EBF3: variants seen among roughly 807,000 people sequenced by gnomAD.
EBF3 encodes the protein EBF transcription factor 3.
A neutral mutation model predicts 77.1 loss-of-function variants in EBF3; 18 were observed. The observed-to-expected ratio is 0.23, with a 90% CI of 0.16 to 0.35. The LOEUF is 0.35. Among genes scored for constraint, EBF3 ranks in the 10% least tolerant of loss-of-function variants. The probability of loss-of-function intolerance (pLI) is 1.00; values close to 1 mark genes in which losing one functional copy is unlikely to be tolerated. For synonymous variants in EBF3, 350 were observed against 343.5 expected (o/e 1.02, Z -0.21); for missense variants, 558 against 860.0 (o/e 0.65, Z 4.39).
intron 4 of EBF3, among the ~76,000 whole-genome samples, chr10:129,959,821 G>T (rs571107637): frequency 1.1e-3 from 173 of 152,116 alleles, no homozygotes; most frequent in African/African-American, 3.9e-3. Flanking sequence ...CAGGGCGCCC[G>T]AGCCCGCGCG....
At chr10:129,892,930 T>C (rs538193911) in intron 6 of EBF3, among the ~76,000 whole-genome samples, 1 of 152,338 alleles carries the variant, frequency 6.6e-6, no homozygotes, top group Admixed American at 6.5e-5. Flanking sequence ...CAGCCAGCCG[T>C]TAATTAGCAT....
intron 4 of EBF3, among the ~76,000 whole-genome samples, chr10:129,960,144 C>T (rs1859390371): frequency 6.7e-6 from 1 of 148,592 alleles, no homozygotes; most frequent in African/African-American, 2.5e-5. Flanking sequence ...GGGGGAGGGG[C>T]GGGAGGCTGG....
chr10:129,933,440 T>C (rs1467776778), intron 6 of EBF3, among the ~76,000 whole-genome samples: 5 of 152,212 alleles, frequency 3.3e-5, no homozygotes, highest in Non-Finnish European at 7.3e-5. Flanking sequence ...TTTAGAAAGA[T>C]TTCAAGGGCT....
In EBF3 at chr10:129,875,504, C is replaced by T. The variant is rs1048198529; in HGVS notation, c.637-1908G>A. Among the ~76,000 whole-genome samples, 4 of 152,250 alleles carry T rather than the reference C, an allele frequency of 2.6e-5. No individual in the cohort carries two copies. In the East Asian group the frequency reaches 7.7e-4, roughly 29 times the overall value. ...AGCCACCGCGCCCGGCCGGCTTTTT[C>T]GTTTTAAATCTCAGACTCCACAAGA... On this transcript the variant is annotated intron_variant, in intron 7 of 16. Coordinates refer to ENST00000440978, the MANE Select transcript of EBF3 (RefSeq NM_001375380.1).
At chr10:129,930,555 C>T (rs1354248674) in intron 6 of EBF3, among the ~76,000 whole-genome samples, 2 of 147,600 alleles carry the variant, frequency 1.4e-5, no homozygotes, top group Non-Finnish European at 3.0e-5. Context: ...ATACCTATAT[C>T]TATACCTGTC....
At chr10:129,875,475 C>T (rs759882234) in intron 7 of EBF3, among the ~76,000 whole-genome samples, 15 of 152,270 alleles carry the variant, frequency 9.9e-5, no homozygotes, top group South Asian at 2.1e-4. Context: ...GGATGACCGG[C>T]GTGAGCCACC....
chr10:129,873,349 G>A, intron 8 of EBF3, 103 bp downstream of exon 8: 1 of 1,315,864 alleles, frequency 7.6e-7, no homozygotes, highest in East Asian at 2.8e-5. Context: ...GTCTGACCAA[G>A]GGCGGGGGCC....
intron 6 of EBF3, among the ~76,000 whole-genome samples, chr10:129,932,661 ATT>A (rs141758528): frequency 6.6e-6 from 1 of 151,942 alleles, no homozygotes; most frequent in Non-Finnish European, 1.5e-5. Context: ...TTGCCACGCA[ATT>A]TTTTTTCCTG....
intron 10 of EBF3, among the ~76,000 whole-genome samples, chr10:129,850,130 G>A (rs765187687): frequency 1.3e-5 from 2 of 152,210 alleles, no homozygotes; most frequent in Non-Finnish European, 2.9e-5. Context: ...AAAAAAGGCG[G>A]CCCACTGCAT....
intron 6 of EBF3, among the ~76,000 whole-genome samples, chr10:129,909,986 G>C (rs1160025929): frequency 6.6e-6 from 1 of 152,256 alleles, no homozygotes; most frequent in Non-Finnish European, 1.5e-5. Flanking sequence ...CAGGGGCTCG[G>C]GCTCTGCTCA....
rs550429875 is a variant in EBF3, at chr10:129,958,611, A to T, written c.485+323T>A. 3.3e-5 allele frequency among the ~76,000 whole-genome samples: 5 copies of T among 152,268 alleles called. No individual in the cohort carries two copies. The South Asian group carries it at 1.0e-3, about 32-fold the overall frequency. ...CGAGCGCCTGAGAAGGAAGTAGTAA[A>T]ATGATTCCGAGTGATCCCTGACTCC... On this transcript the variant is annotated intron_variant, in intron 5 of 16. Coordinates refer to ENST00000440978, the MANE Select transcript of EBF3 (RefSeq NM_001375380.1).
intron 8 of EBF3, among the ~76,000 whole-genome samples, chr10:129,868,937 G>C (rs539156298): frequency 6.6e-6 from 1 of 152,206 alleles, no homozygotes; most frequent in Non-Finnish European, 1.5e-5. Flanking sequence ...TCCGCAGCCC[G>C]GGCCAGGACA....
intron 6 of EBF3, among the ~76,000 whole-genome samples, chr10:129,945,986 G>A (rs1391598054): frequency 7.3e-5 from 11 of 149,730 alleles, no homozygotes; most frequent in African/African-American, 2.2e-4. Context: ...GTTTCCACTC[G>A]TTAGAAGATA....
chr10:129,900,820 C>G (rs1429492497), intron 6 of EBF3, among the ~76,000 whole-genome samples: 1 of 152,244 alleles, frequency 6.6e-6, no homozygotes, highest in East Asian at 1.9e-4. Flanking sequence ...CACAGGCAAC[C>G]TGGGTAGACT....
chr10:129,901,737 C>G (rs1854794562), intron 6 of EBF3, among the ~76,000 whole-genome samples: 1 of 152,196 alleles, frequency 6.6e-6, no homozygotes, highest in African/African-American at 2.4e-5. Context: ...GATCCTGTCA[C>G]ATGCACCAAA....
At chr10:129,839,815 T>A (rs886877198) in intron 15 of EBF3, among the ~76,000 whole-genome samples, 3 of 152,198 alleles carry the variant, frequency 2.0e-5, no homozygotes, top group Non-Finnish European at 4.4e-5. Context: ...GCTTTGTGCA[T>A]AGCAGGCTGC....
Position 129,962,242 on chromosome 10 carries a change from G to C in EBF3, c.356-16C>G. ...GTTCTGACTCCTGCAAAAAAACAGA[G>C]ACAAATTCTCATCAGGATTTGAGTG... On this transcript the variant is annotated splice_polypyrimidine_tract_variant and intron_variant, in intron 3 of 16. Transcript: ENST00000440978. 1 of 1,613,954 alleles carries C rather than the reference G, an allele frequency of 6.2e-7. No homozygotes were observed. The highest frequency in any genetic ancestry group is 8.5e-7 in the Non-Finnish European group (1 of 1,179,944).
rs538628576 is a variant in EBF3, at chr10:129,878,661, C to CAAA, written c.555-815_555-813dup. Among the ~76,000 whole-genome samples, 285 of 34,714 alleles carry CAAA rather than the reference C, an allele frequency of 8.2e-3. 24 individuals carry two copies. Among genetic ancestry groups the CAAA allele is most frequent in the East Asian group, 0.039 (42 of 1,068 alleles). The allele number at this position is 34,714 out of a possible 152,430, so 22.8% of individuals were successfully genotyped here. ...TGGTTGACAGCTCAAGGCTCTGTCT[C>CAAA]AAAAAAAAAAAAAAAAAAAAAAGAG... is the stretch of plus-strand genomic sequence containing the variant. On this transcript the variant is annotated intron_variant, in intron 6 of 16. Coordinates refer to ENST00000440978, the MANE Select transcript of EBF3 (RefSeq NM_001375380.1).
chr10:129,897,897 T>C lies in EBF3; in HGVS notation c.555-20048A>G, dbSNP rs1046354259. The stretch of plus-strand genomic sequence containing the variant: ...TTCCAGCATCCTCCAAATGCTGCAA[T>C]TTCTGCCCTTTTCCTGGTGAGGAAT... On this transcript the variant is annotated intron_variant, in intron 6 of 16. Coordinates refer to ENST00000440978, the MANE Select transcript of EBF3 (RefSeq NM_001375380.1). The surrounding 1 kb of genome is among the most constrained non-coding windows in gnomAD (Gnocchi z 4.6). Among the ~76,000 whole-genome samples the C allele has an allele frequency of 1.3e-5, 2 of 152,202 alleles. No individual in the cohort carries two copies. Among genetic ancestry groups the C allele is most frequent in the Admixed American group, 6.5e-5 (1 of 15,284 alleles).
Sources: allele counts gnomAD v4.1 joint callset (sites outside exome capture counted in the v4.1 genomes callset), GRCh38; gene constraint gnomAD v4.1.1; non-coding constraint Gnocchi (gnomAD v3.1); transcripts MANE v1.5; gene names NCBI Gene and HGNC (gene_info 2026-07-23, HGNC 2026-07-21).